SMG1: variants seen among roughly 807,000 people sequenced by gnomAD.
The protein encoded by SMG1 is SMG1 nonsense mediated mRNA decay associated PI3K related kinase.
Under a neutral mutation model 419.9 loss-of-function variants are expected in SMG1, and 22 were observed. That is an observed-to-expected ratio of 0.05 (90% CI 0.04 to 0.07). The LOEUF is 0.07. SMG1 is among the 10% of genes least tolerant of loss of function. SMG1 has a pLI of 1.00. For synonymous variants in SMG1, 1,538 were observed against 1,553.5 expected (o/e 0.99, Z 0.23); for missense variants, 3,185 against 4,342.0 (o/e 0.73, Z 7.49).
chr16:18,876,623 C>G (rs558466069), intron 12 of SMG1, among the ~76,000 whole-genome samples: 1 of 149,778 alleles, frequency 6.7e-6, no homozygotes, highest in Non-Finnish European at 1.5e-5. Context: ...ATACAGAGTA[C>G]TATAAATGAA....
chr16:18,918,525 T>C (rs897482905), intron 1 of SMG1, among the ~76,000 whole-genome samples: 4 of 152,164 alleles, frequency 2.6e-5, no homozygotes, highest in African/African-American at 9.6e-5. Context: ...CTTAACTGTA[T>C]AGCTTTCCCT....
rs2032330195 is a variant in SMG1, at chr16:18,819,571, T to C, written c.9825A>G (p.Leu3275=). 2.5e-6 allele frequency: 4 copies of C among 1,602,400 alleles called. No individual in the cohort carries two copies. Among genetic ancestry groups the C allele is most frequent in the Non-Finnish European group, 2.6e-6 (3 of 1,174,096 alleles). Residue 3275 remains leucine, a synonymous_variant, in exon 56 of 63, where the codon CTA becomes CTG. Coordinates refer to ENST00000446231, the MANE Select transcript of SMG1 (RefSeq NM_015092.5). ...CAGCTATCGTTGCTTCAAAATCTTGTAGTACAGGGGCCAATGCAGGGTTGG... is the reference window on the plus strand; with the variant it reads ...CAGCTATCGTTGCTTCAAAATCTTGCAGTACAGGGGCCAATGCAGGGTTGG... The part of the protein sequence containing the change: ...GGANPALAPV[L]QDFEATIAER...
Position 18,835,956 on chromosome 16 carries a change from C to A in SMG1, c.8034G>T (p.Glu2678Asp). ...ACTTCCTATAGAGCTCTTGACAACG[C>A]TCTACTGTGGTGTTACAGATGAGCT... ...MEELICNTTV[E>D]RCQELYRKYE... Residue 2678 changes from glutamate (E) to aspartate (D), a missense_variant, in exon 48 of 63, where the codon GAG (glutamate) becomes GAT (aspartate). Transcript: ENST00000446231. 3.2e-6 allele frequency: 5 copies of A among 1,552,882 alleles called. No individual in the cohort carries two copies. The highest frequency in any genetic ancestry group is 4.4e-6 in the Non-Finnish European group (5 of 1,147,398).
intron 1 of SMG1, among the ~76,000 whole-genome samples, chr16:18,904,990 G>A (rs534684552): frequency 6.1e-5 from 9 of 146,800 alleles, no homozygotes; most frequent in South Asian, 2.2e-4. Context: ...GGCCGGGCAC[G>A]GTGGCTTACG....
At chr16:18,888,075 G>A (rs1169855458) in intron 6 of SMG1, among the ~76,000 whole-genome samples, 2 of 143,682 alleles carry the variant, frequency 1.4e-5, no homozygotes, top group Non-Finnish European at 3.0e-5. Flanking sequence ...TGAGGCAGGA[G>A]AATCACTTGA....
At chr16:18,831,714 C>A (rs1328707123) in intron 51 of SMG1, among the ~76,000 whole-genome samples, 1 of 141,586 alleles carries the variant, frequency 7.1e-6, no homozygotes, top group Non-Finnish European at 1.5e-5. Context: ...CGAGATCGCA[C>A]CATTGCACTC....
intron 1 of SMG1, among the ~76,000 whole-genome samples, chr16:18,902,697 C>A (rs1426259027): frequency 6.6e-6 from 1 of 150,788 alleles, no homozygotes; most frequent in African/African-American, 2.4e-5. Flanking sequence ...CAGAGAGAGG[C>A]CCTGTCTCAA....
At chr16:18,877,312 G>A (rs1283830691) in intron 11 of SMG1, 80 bp from the exon 12 acceptor site, 1 of 1,049,982 alleles carries the variant, frequency 9.5e-7, no homozygotes, top group East Asian at 2.7e-5. Flanking sequence ...ACACTGATAA[G>A]TGAAAGAAGC....
Position 18,845,479 on chromosome 16 carries a change from T to A in SMG1, c.6169A>T (p.Thr2057Ser), listed in dbSNP as rs530993234. The A allele has an allele frequency of 6.2e-7, 1 of 1,613,830 alleles. No homozygotes were observed. Among genetic ancestry groups the A allele is most frequent in the Admixed American group, 1.7e-5 (1 of 59,982 alleles). ...CCAGGCTTTGCAGGGTTCAATGGAG[T>A]CTTCAGTTTTTCTAGGGCATTTTCA... Reference protein sequence around the residue: ...AIENALEKLKTPLNPAKPGSS... With the variant: ...AIENALEKLKSPLNPAKPGSS... Residue 2057 changes from threonine (T) to serine (S), a missense_variant, in exon 39 of 63, where the codon ACT becomes TCT. This residue lies in a region of SMG1 where 159 missense variants were observed against 196.0 expected (regional missense o/e 0.81). Transcript: ENST00000446231.
chr16:18,855,640 A>C (rs1215170744), intron 29 of SMG1, among the ~76,000 whole-genome samples: 1 of 152,180 alleles, frequency 6.6e-6, no homozygotes, highest in African/African-American at 2.4e-5. Context: ...GCTGCCTGTG[A>C]AAGTACTTGG....
At position 18,834,220 on chromosome 16, in the gene SMG1, A is replaced by G. The variant is rs1321339053; in HGVS notation, c.8549T>C (p.Val2850Ala). 6.3e-7 allele frequency: 1 copy of G among 1,596,618 alleles called. No individual in the cohort carries two copies. The highest frequency in any genetic ancestry group is 8.5e-7 in the Non-Finnish European group (1 of 1,170,660). Residue 2850 changes from valine to alanine, a missense_variant, in exon 50 of 63, where the codon GTG becomes GCG. Coordinates refer to ENST00000446231, the MANE Select transcript of SMG1 (RefSeq NM_015092.5). ...AGTGTTCACCTGAAGTGAGGTATAC[A>G]CTCCATTGGCTAAGTGAACTGTCTC... ...ASETVHLANGVYTSLQELNSN... is the reference protein window; with the variant it reads ...ASETVHLANGAYTSLQELNSN...
intron 54 of SMG1, 27 bp downstream of exon 54, chr16:18,829,259 A>AAACACATTAT: frequency 6.4e-7 from 1 of 1,566,220 alleles, no homozygotes; most frequent in Non-Finnish European, 8.7e-7. Context: ...CCTTGAGGAA[A>AAACACATTAT]AACACATTAT....
At chr16:18,886,413 T>C (rs2036614126) in intron 6 of SMG1, among the ~76,000 whole-genome samples, 2 of 152,186 alleles carry the variant, frequency 1.3e-5, no homozygotes, top group South Asian at 4.1e-4. Context: ...ATTGAAAGAA[T>C]ATTTATTTTG....
At chr16:18,906,012 G>A (rs2037546395) in intron 1 of SMG1, among the ~76,000 whole-genome samples, 1 of 151,950 alleles carries the variant, frequency 6.6e-6, no homozygotes, top group African/African-American at 2.4e-5. Context: ...ACACCCATCT[G>A]GTAAAACCCC....
At position 18,850,247 on chromosome 16, in the gene SMG1, T is replaced by C. The variant is rs865819005; in HGVS notation, c.5273A>G (p.Asn1758Ser). The change falls in exon 34 of 63, where the codon AAC (asparagine) becomes AGC (serine). Residue 1758 changes from asparagine (N) to serine (S), a missense_variant. This residue lies in a region of SMG1 where 493 missense variants were observed against 552.9 expected (regional missense o/e 0.89). Transcript: ENST00000446231. ...CACTGTGCTACATACTTGACCAGCGTTGAGTTTAAGGAAAGTAAAGTATGC... is the reference window on the plus strand; with the variant it reads ...CACTGTGCTACATACTTGACCAGCGCTGAGTTTAAGGAAAGTAAAGTATGC... ...CSAYFTFLKL[N>S]AGQIPLDEDD... The C allele has an allele frequency of 6.2e-7, 1 of 1,609,668 alleles. No homozygotes were observed. The highest frequency in any genetic ancestry group is 8.5e-7 in the Non-Finnish European group (1 of 1,177,318).
At chr16:18,908,675 C>T (rs2037672664) in intron 1 of SMG1, among the ~76,000 whole-genome samples, 1 of 150,978 alleles carries the variant, frequency 6.6e-6, no homozygotes, top group Non-Finnish European at 1.5e-5. Flanking sequence ...GTCAGGAGAT[C>T]AAGACCATCC....
At chr16:18,819,286 A>C (rs768561191) in intron 56 of SMG1, among the ~76,000 whole-genome samples, 3 of 151,178 alleles carry the variant, frequency 2.0e-5, no homozygotes, top group Non-Finnish European at 4.4e-5. Flanking sequence ...AATTTATTTA[A>C]TTAATATTTA....
At chr16:18,903,251 A>G (rs1439783211) in intron 1 of SMG1, among the ~76,000 whole-genome samples, 1 of 152,244 alleles carries the variant, frequency 6.6e-6, no homozygotes, top group Non-Finnish European at 1.5e-5. Context: ...ATTAGCCAGA[A>G]GGAGCAAACG....
chr16:18,904,334 A>G (rs891640439), intron 1 of SMG1, among the ~76,000 whole-genome samples: 4 of 151,778 alleles, frequency 2.6e-5, no homozygotes, highest in Non-Finnish European at 5.9e-5. Context: ...AAAAAAACAA[A>G]AAACAAAAAA....
Sources: allele counts gnomAD v4.1 joint callset (sites outside exome capture counted in the v4.1 genomes callset), GRCh38; gene constraint gnomAD v4.1.1; regional missense constraint gnomAD v4.1.1; transcripts MANE v1.5; gene names NCBI Gene and HGNC (gene_info 2026-07-23, HGNC 2026-07-21).